The following GRIP1 variants were observed in gnomAD, a reference collection of about 807,000 sequenced individuals.
GRIP1 encodes the protein glutamate receptor interacting protein 1.
In GRIP1, 45 loss-of-function variants were observed where a neutral mutation model predicts 129.9. That is an observed-to-expected ratio of 0.35 (90% confidence interval 0.27 to 0.44). GRIP1 has a LOEUF of 0.44. GRIP1 is among the 20% of genes least tolerant of loss of function. The pLI is 1.00. For synonymous variants in GRIP1, 530 were observed against 520.8 expected (o/e 1.02, Z -0.24); for missense variants, 1,196 against 1,396.8 (o/e 0.86, Z 2.29).
At chr12:66,970,567 C>T (rs567918971) in intron 1 of GRIP1, among the ~76,000 whole-genome samples, 89 of 133,662 alleles carry the variant, frequency 6.7e-4, no homozygotes, top group Middle Eastern at 8.8e-3. Flanking sequence ...TTCATCTCTC[C>T]TGTTGTCTTT....
intron 14 of GRIP1, among the ~76,000 whole-genome samples, chr12:66,430,177 A>G (rs971277629): frequency 2.0e-5 from 3 of 152,230 alleles, no homozygotes; most frequent in Non-Finnish European, 4.4e-5. Context: ...TTACTAACTC[A>G]TAACAATGAA....
chr12:66,406,052 C>A (rs575448183), intron 16 of GRIP1, among the ~76,000 whole-genome samples: 1 of 152,218 alleles, frequency 6.6e-6, no homozygotes, highest in East Asian at 1.9e-4. Flanking sequence ...TATTTTCATG[C>A]AATTATAATA....
At chr12:66,695,361 C>T (rs1161020071) in intron 1 of GRIP1, among the ~76,000 whole-genome samples, 2 of 151,918 alleles carry the variant, frequency 1.3e-5, no homozygotes, top group Non-Finnish European at 2.9e-5. Flanking sequence ...GTATGCTGGA[C>T]AGAGAACACC....
At chr12:66,631,998 A>C (rs992792319) in intron 1 of GRIP1, among the ~76,000 whole-genome samples, 2 of 152,130 alleles carry the variant, frequency 1.3e-5, no homozygotes, top group Non-Finnish European at 2.9e-5. Context: ...TACTGAGAGG[A>C]TCTCAGGAGC....
At chr12:66,997,205 T>C (rs932895158) in intron 1 of GRIP1, among the ~76,000 whole-genome samples, 1 of 152,102 alleles carries the variant, frequency 6.6e-6, no homozygotes, top group African/African-American at 2.4e-5. Context: ...TTGAGTATTT[T>C]TACAATGAGG....
At chr12:66,864,426 C>T (rs2040166213) in intron 1 of GRIP1, among the ~76,000 whole-genome samples, 1 of 152,072 alleles carries the variant, frequency 6.6e-6, no homozygotes, top group Non-Finnish European at 1.5e-5. Context: ...TTTTAAAGGT[C>T]TGTTTAGGGC....
At chr12:66,603,764 G>C (rs1247494647) in intron 1 of GRIP1, among the ~76,000 whole-genome samples, 1 of 152,132 alleles carries the variant, frequency 6.6e-6, no homozygotes, top group African/African-American at 2.4e-5. Flanking sequence ...CTGTTGTAAT[G>C]GTATGGTTTT....
At chr12:66,859,271 AAAAACAAAAAAACAAAAAAACAAAAAAAC>A (rs767828722) in intron 1 of GRIP1, among the ~76,000 whole-genome samples, 19,255 of 39,410 alleles carry the variant, frequency 0.49, 2,975 homozygotes, top group South Asian at 0.67. Flanking sequence ...AAAAAAACAA[AAAAACAAAAAAACAAAAAAACAAAAAAAC>A]AAAAAAAAAC....
At chr12:66,844,428 G>GAAC (rs779062216) in intron 1 of GRIP1, among the ~76,000 whole-genome samples, 420 of 152,134 alleles carry the variant, frequency 2.8e-3, no homozygotes, top group African/African-American at 9.5e-3. Context: ...CTATCAACAA[G>GAAC]AACAACAACA....
chr12:67,010,693 T>C (rs1383532193), intron 1 of GRIP1, among the ~76,000 whole-genome samples: 1 of 152,276 alleles, frequency 6.6e-6, no homozygotes, highest in East Asian at 1.9e-4. Flanking sequence ...TTCCTCATTG[T>C]AGCTAACCCA....
At chr12:66,958,307 T>A in intron 1 of GRIP1, among the ~76,000 whole-genome samples, 1 of 151,414 alleles carries the variant, frequency 6.6e-6, no homozygotes, top group Non-Finnish European at 1.5e-5. Flanking sequence ...ACCTGGCTAA[T>A]TTTTTTATAG....
intron 7 of GRIP1, among the ~76,000 whole-genome samples, chr12:66,478,462 C>T (rs2059693326): frequency 6.6e-6 from 1 of 152,154 alleles, no homozygotes; most frequent in Non-Finnish European, 1.5e-5. Context: ...TTGTGGAAGA[C>T]AGTGTGGCGA....
At chr12:66,548,621 T>C (rs1004980202) in intron 2 of GRIP1, among the ~76,000 whole-genome samples, 5 of 152,110 alleles carry the variant, frequency 3.3e-5, no homozygotes, top group Non-Finnish European at 7.4e-5. Flanking sequence ...ACACCAGACA[T>C]ATTAATGAGG....
In GRIP1 at chr12:66,547,295, G is replaced by GA. The variant is rs1295261097; in HGVS notation, c.137-5346dup. 7.6e-5 allele frequency among the ~76,000 whole-genome samples: 6 copies of GA among 79,408 alleles called. No individual in the cohort carries two copies. In the East Asian group the frequency reaches 2.1e-3, roughly 28 times the overall value. The allele number at this position is 79,408 out of a possible 152,430, so 52.1% of individuals were successfully genotyped here. On this transcript the variant is annotated intron_variant, in intron 2 of 24. Coordinates refer to ENST00000359742, the MANE Select transcript of GRIP1 (RefSeq NM_001366722.1). Reference sequence around the variant, plus strand: ...AACACCAAATGCTGGTGAGGATGCAGAAAATTAGATCACTCTGACGCTACT... The same window carrying GA: ...AACACCAAATGCTGGTGAGGATGCAGAAAAATTAGATCACTCTGACGCTACT...
intron 1 of GRIP1, among the ~76,000 whole-genome samples, chr12:67,020,197 TG>T (rs1405304287): frequency 1.3e-5 from 2 of 152,094 alleles, no homozygotes; most frequent in Non-Finnish European, 2.9e-5. Flanking sequence ...TTTATCATGT[TG>T]TGCAGAGAAA....
At chr12:66,457,945 C>A (rs747287066) in intron 9 of GRIP1, among the ~76,000 whole-genome samples, 1 of 152,206 alleles carries the variant, frequency 6.6e-6, no homozygotes, top group Non-Finnish European at 1.5e-5. Flanking sequence ...AAATACGGTG[C>A]TTAGCATGGT....
intron 1 of GRIP1, among the ~76,000 whole-genome samples, chr12:66,747,232 T>C (rs749988497): frequency 2.5e-4 from 38 of 152,048 alleles, no homozygotes; most frequent in Non-Finnish European, 5.2e-4. Context: ...ACTGAGTAAA[T>C]AAAATTTATA....
At chr12:66,814,713 C>T (rs1253211905) in intron 1 of GRIP1, among the ~76,000 whole-genome samples, 1 of 151,730 alleles carries the variant, frequency 6.6e-6, no homozygotes, top group Non-Finnish European at 1.5e-5. Context: ...TGTCACACTG[C>T]TATGAAGAAA....
At chr12:66,484,980 G>C (rs1201671848) in intron 7 of GRIP1, among the ~76,000 whole-genome samples, 1 of 152,046 alleles carries the variant, frequency 6.6e-6, no homozygotes, top group Non-Finnish European at 1.5e-5. Context: ...AAAAAATATT[G>C]CTGCTATGAA....
Sources: gnomAD v4.1 joint callset for allele counts (sites outside exome capture counted in the v4.1 genomes callset) on GRCh38, gnomAD v4.1.1 for gene constraint, MANE v1.5 for transcripts, NCBI Gene and HGNC (gene_info 2026-07-23, HGNC 2026-07-21) for gene names.